The following SYNJ2 variants were observed in gnomAD, a reference collection of about 807,000 sequenced individuals.
SYNJ2 encodes polyphosphatidylinositol phosphatase SYNJ2.
In SYNJ2, 116 loss-of-function variants were observed where a neutral mutation model predicts 141.3. The ratio of observed to expected loss-of-function variants is 0.82; its 90% CI spans 0.71 to 0.96. The LOEUF (loss-of-function observed/expected upper bound fraction) is 0.96, where lower values mean the gene tolerates loss of function less well. SYNJ2 is among the 40% of genes least tolerant of loss of function. The pLI is 0.00. For synonymous variants in SYNJ2, 745 were observed against 777.7 expected, an observed-to-expected ratio of 0.96 and a Z score of 0.70; for missense variants, 1,873 against 1,934.8, an observed-to-expected ratio of 0.97 and a Z score of 0.60.
intron 15 of SYNJ2, among the ~76,000 whole-genome samples, chr6:158,073,173 A>G (rs2128377806): frequency 6.6e-6 from 1 of 151,922 alleles, no homozygotes; most frequent in Middle Eastern, 3.4e-3. Context: ...AAAAATATTG[A>G]GGGACCTATT....
At chr6:158,086,202 A>G (rs1010492477) in intron 22 of SYNJ2, among the ~76,000 whole-genome samples, 1 of 152,106 alleles carries the variant, frequency 6.6e-6, no homozygotes, top group South Asian at 2.1e-4. Flanking sequence ...TGTCCGAGTC[A>G]AAGTGAAATG....
At chr6:158,053,572 C>T (rs1225553573) in intron 5 of SYNJ2, among the ~76,000 whole-genome samples, 1 of 152,014 alleles carries the variant, frequency 6.6e-6, no homozygotes, top group Non-Finnish European at 1.5e-5. Context: ...TCCATTCATC[C>T]ACTCATTCAC....
Position 158,096,421 on chromosome 6 carries a change from A to G in SYNJ2, c.*57A>G, listed in dbSNP as rs1783805658. On this transcript the variant is annotated 3_prime_UTR_variant, in exon 27 of 27. Coordinates refer to ENST00000355585, the MANE Select transcript of SYNJ2 (RefSeq NM_003898.4). ...AATGCATACCTTCCTCCCTCTAGAC[A>G]TCCCTCCACCAGAAGAGACATCTAT... is the stretch of plus-strand genomic sequence containing the variant. The G allele has an allele frequency of 6.6e-7, 1 of 1,506,250 alleles. No individual in the cohort carries two copies. The highest frequency in any genetic ancestry group is 2.3e-5 in the East Asian group (1 of 44,086). The allele number at this position is 1,506,250 out of a possible 1,614,324, so 93.3% of individuals were successfully genotyped here.
intron 5 of SYNJ2, among the ~76,000 whole-genome samples, chr6:158,050,220 G>A (rs1214268729): frequency 6.6e-6 from 1 of 152,258 alleles, no homozygotes; most frequent in African/African-American, 2.4e-5. Flanking sequence ...TTCAGCGTGT[G>A]TGCATAGGAA....
intron 1 of SYNJ2, among the ~76,000 whole-genome samples, chr6:158,003,065 A>G (rs1777920040): frequency 6.6e-6 from 1 of 152,206 alleles, no homozygotes. Flanking sequence ...CCCTCCCCAC[A>G]GATGGGTTTC....
At chr6:158,014,902 G>C (rs1350075791) in intron 1 of SYNJ2, among the ~76,000 whole-genome samples, 2 of 152,236 alleles carry the variant, frequency 1.3e-5, no homozygotes, top group African/African-American at 4.8e-5. Context: ...GGATGGGACT[G>C]TCTGACTATA....
chr6:158,061,852 T>C, intron 7 of SYNJ2, 140 bp from the exon 8 acceptor site: 1 of 840,540 alleles, frequency 1.2e-6, no homozygotes, highest in Non-Finnish European at 1.9e-6. Context: ...AACTGCCTGG[T>C]CCACTGTGAG....
At chr6:157,984,615 G>C (rs780341846) in intron 1 of SYNJ2, among the ~76,000 whole-genome samples, 21 of 151,974 alleles carry the variant, frequency 1.4e-4, no homozygotes, top group Non-Finnish European at 2.9e-4. Flanking sequence ...TTTTGGCCAG[G>C]CTGGTTTCTA....
In SYNJ2 at chr6:157,982,311, C is replaced by T. The variant is rs1370196096; in HGVS notation, c.127+223C>T. ...TGGCGCACGGAGGCCGGCCGCCCCT[C>T]CACGGGGATCTCCGGCCCGCGCCGC... On this transcript the variant is annotated intron_variant, in intron 1 of 26. Transcript: ENST00000355585. This position sits in a 1 kb window ranked among gnomAD's most constrained non-coding sequence, Gnocchi z 4.0. Among the ~76,000 whole-genome samples, 1 of 152,236 alleles carries T rather than the reference C, an allele frequency of 6.6e-6. No individual in the cohort carries two copies. Among genetic ancestry groups the T allele is most frequent in the Non-Finnish European group, 1.5e-5 (1 of 68,036 alleles).
chr6:157,984,823 C>T (rs1777138317), intron 1 of SYNJ2, among the ~76,000 whole-genome samples: 2 of 152,194 alleles, frequency 1.3e-5, no homozygotes, highest in South Asian at 2.1e-4. Flanking sequence ...CTTGAAGTTC[C>T]GAGTCGGGGG....
At chr6:157,988,242 G>A (rs2128313921) in intron 1 of SYNJ2, among the ~76,000 whole-genome samples, 1 of 152,328 alleles carries the variant, frequency 6.6e-6, no homozygotes, top group Non-Finnish European at 1.5e-5. Context: ...GTGTATGCAC[G>A]AGGCTCCCTG....
Position 158,068,732 on chromosome 6 carries a change from AGGGGCCAGGTGTGC to A in SYNJ2, c.1799+14_1799+27del. ...CAGGGAATATTGTCAATGCCAGGTA[AGGGGCCAGGTGTGC>A]GGGGCCAGGCAGGGACTTCCTGAGT... On this transcript the variant is annotated splice_donor_5th_base_variant and intron_variant, in intron 13 of 26. Transcript: ENST00000355585. The A allele has an allele frequency of 6.2e-7, 1 of 1,613,762 alleles. No individual in the cohort carries two copies. The highest frequency in any genetic ancestry group is 8.5e-7 in the Non-Finnish European group (1 of 1,179,982).
chr6:158,034,600 A>G (rs1485577056), intron 4 of SYNJ2, among the ~76,000 whole-genome samples: 1 of 152,236 alleles, frequency 6.6e-6, no homozygotes, highest in South Asian at 2.1e-4. Flanking sequence ...TCAGAGGAAC[A>G]TCAGAGCAGG....
intron 1 of SYNJ2, among the ~76,000 whole-genome samples, chr6:158,004,070 G>A (rs1176464170): frequency 6.6e-6 from 1 of 152,170 alleles, no homozygotes; most frequent in Non-Finnish European, 1.5e-5. Flanking sequence ...CAGGGAAACA[G>A]GACTAGAAAG....
chr6:158,087,193 A>G (rs1744169), intron 23 of SYNJ2, among the ~76,000 whole-genome samples: 103,458 of 152,096 alleles, frequency 0.68, 36,600 homozygotes, highest in African/African-American at 0.89. Context: ...CAAATGAAAC[A>G]GCTCCTTTCC....
chr6:158,034,268 A>G (rs1425058362), intron 4 of SYNJ2, among the ~76,000 whole-genome samples: 2 of 152,136 alleles, frequency 1.3e-5, no homozygotes, highest in African/African-American at 4.8e-5. Flanking sequence ...CAACTTTTAA[A>G]TTTTTGCTCT....
chr6:158,058,762 A>G (rs891191497), intron 6 of SYNJ2, among the ~76,000 whole-genome samples: 1 of 152,244 alleles, frequency 6.6e-6, no homozygotes, highest in Non-Finnish European at 1.5e-5. Flanking sequence ...CCCTGTCTCT[A>G]TGAAAAATAA....
chr6:158,036,133 G>T (rs1052831726), intron 4 of SYNJ2, among the ~76,000 whole-genome samples: 6 of 152,150 alleles, frequency 3.9e-5, no homozygotes, highest in Non-Finnish European at 7.3e-5. Flanking sequence ...AAGTCAAATG[G>T]CTATTATTTG....
At chr6:158,026,061 G>T (rs139844120) in intron 2 of SYNJ2, among the ~76,000 whole-genome samples, 220 of 152,334 alleles carry the variant, frequency 1.4e-3, no homozygotes, top group African/African-American at 5.1e-3. Flanking sequence ...GGACTTTGGG[G>T]CTAGATGGAG....
Sources: allele counts gnomAD v4.1 joint callset (sites outside exome capture counted in the v4.1 genomes callset), GRCh38; gene constraint gnomAD v4.1.1; non-coding constraint Gnocchi (gnomAD v3.1); transcripts MANE v1.5; gene names NCBI Gene and HGNC (gene_info 2026-07-23, HGNC 2026-07-21).